Variants in EPHB2 observed in about 807,000 individuals in gnomAD.
EPHB2 encodes the protein EPH receptor B2.
EPHB2 carries 18 observed loss-of-function variants against 96.4 expected under a neutral mutation model. That is an observed-to-expected ratio of 0.19 (90% confidence interval 0.13 to 0.28). The LOEUF (loss-of-function observed/expected upper bound fraction) is 0.28. EPHB2 is among the 10% of genes least tolerant of loss of function. EPHB2 has a pLI of 1.00. For synonymous variants in EPHB2, 506 were observed against 534.1 expected, an observed-to-expected ratio of 0.95 and a Z score of 0.72; for missense variants, 989 against 1,355.4, an observed-to-expected ratio of 0.73 and a Z score of 4.25.
intron 3 of EPHB2, among the ~76,000 whole-genome samples, chr1:22,815,339 C>T (rs144078986): frequency 1.9e-3 from 287 of 152,290 alleles, no homozygotes; most frequent in African/African-American, 6.2e-3. Flanking sequence ...ACCCTCACAC[C>T]GAAATCCCAT....
chr1:22,836,107 G>A (rs1045077015), intron 3 of EPHB2: 1 of 152,222 alleles, frequency 6.6e-6, no homozygotes, highest in African/African-American at 2.4e-5. Flanking sequence ...CCGGCCCAGG[G>A]GCTCGGGGGC....
At chr1:22,852,377 GCCGGCAGC>G (rs1378593043) in intron 3 of EPHB2, among the ~76,000 whole-genome samples, 1 of 152,180 alleles carries the variant, frequency 6.6e-6, no homozygotes. Context: ...AACGCTGCCT[GCCGGCAGC>G]CACACAACAC....
rs1644878831 is a variant in EPHB2 at position 22,803,635 on chromosome 1, ATATATATGTGTATATATATATAT to A, written c.811+18560_811+18582del. Among the ~76,000 whole-genome samples the A allele has an allele frequency of 2.6e-3, 4 of 1,518 alleles. No individual in the cohort carries two copies. In the Admixed American group the frequency reaches 0.029, roughly 11 times the overall value. 1.0% of individuals were successfully genotyped at this position (1,518 alleles called of 152,430 possible). A position where few individuals can be genotyped will look rare whatever the true frequency, so the allele number is the denominator to read the frequency against. On this transcript the variant is annotated intron_variant, in intron 3 of 15. Coordinates refer to ENST00000374630, the MANE Select transcript of EPHB2 (RefSeq NM_017449.5). ...AAAAATAATATATATATATATGTGT[ATATATATGTGTATATATATATAT>A]GTGTATATATATGTGTGTATATATG... is the stretch of plus-strand genomic sequence containing the variant.
chr1:22,895,407 A>C, intron 7 of EPHB2, 65 bp from the exon 8 acceptor site: 1 of 1,466,604 alleles, frequency 6.8e-7, no homozygotes, highest in Non-Finnish European at 9.6e-7. Flanking sequence ...GGCAGGGGGT[A>C]GGGGACAAGG....
At position 22,910,439 on chromosome 1, in the gene EPHB2, G is replaced by A. The variant is rs549199396; in HGVS notation, c.2560G>A (p.Ala854Thr). ...RLPPPMDCPS[A>T]LHQLMLDCWQ... is the part of the protein sequence containing the mutation. ...GCCACCGCCCATGGACTGCCCGAGC[G>A]CCCTGCACCAACTCATGCTGGACTG... Residue 854 changes from alanine to threonine, a missense_variant, in exon 14 of 16, where the codon GCC (alanine) becomes ACC (threonine). Coordinates refer to ENST00000374630, the MANE Select transcript of EPHB2 (RefSeq NM_017449.5). 68 of 1,614,204 alleles carry A rather than the reference G, an allele frequency of 4.2e-5. No homozygotes were observed. In the Middle Eastern group the frequency reaches 4.0e-3, roughly 94 times the overall value.
Position 22,828,711 on chromosome 1 carries a change from C to T in EPHB2, c.812-34326C>T, listed in dbSNP as rs916766480. ...GCAAGAATTTTAGAATGTTACAGGC[C>T]TAGAAAGGTTGTAATCATAGAATTA... On this transcript the variant is annotated intron_variant, in intron 3 of 15. Coordinates refer to ENST00000374630, the MANE Select transcript of EPHB2 (RefSeq NM_017449.5). Among the ~76,000 whole-genome samples the T allele has an allele frequency of 5.3e-5, 8 of 152,084 alleles. 1 individual carries two copies. Among genetic ancestry groups the T allele is most frequent in the Admixed American group, 3.9e-4 (6 of 15,264 alleles).
intron 5 of EPHB2, among the ~76,000 whole-genome samples, chr1:22,874,394 G>T (rs1338777891): frequency 1.3e-5 from 2 of 152,200 alleles, no homozygotes; most frequent in Non-Finnish European, 1.5e-5. Flanking sequence ...GAGGCCAAAG[G>T]TGAGGTCAAG....
chr1:22,843,326 T>C (rs2148500508), intron 3 of EPHB2, among the ~76,000 whole-genome samples: 1 of 152,324 alleles, frequency 6.6e-6, no homozygotes, highest in South Asian at 2.1e-4. Context: ...TCTAAGTCCT[T>C]GCTCTTGCCA....
chr1:22,830,332 G>A (rs749577833), intron 3 of EPHB2, among the ~76,000 whole-genome samples: 44 of 152,312 alleles, frequency 2.9e-4, no homozygotes, highest in African/African-American at 9.6e-4. Context: ...TGCAGTCTCT[G>A]TAGAAGCCTG....
chr1:22,749,707 T>C (rs980990122), intron 1 of EPHB2, among the ~76,000 whole-genome samples: 1 of 152,312 alleles, frequency 6.6e-6, no homozygotes, highest in African/African-American at 2.4e-5. Context: ...GGGTGGCTTA[T>C]GTCTACCGGA....
At chr1:22,809,906 A>G (rs561345436) in intron 3 of EPHB2, among the ~76,000 whole-genome samples, 1 of 152,298 alleles carries the variant, frequency 6.6e-6, no homozygotes, top group East Asian at 1.9e-4. Context: ...GTTGGCCAAT[A>G]TGTGAGCCCA....
intron 3 of EPHB2, chr1:22,836,010 A>G (rs1408915661): frequency 6.6e-6 from 1 of 151,446 alleles, no homozygotes; most frequent in Non-Finnish European, 1.5e-5. Context: ...TCCCAGAAAC[A>G]TCTGTGAGAT....
chr1:22,894,919 TA>T (rs1639507690), intron 7 of EPHB2, among the ~76,000 whole-genome samples: 1 of 152,222 alleles, frequency 6.6e-6, no homozygotes, highest in Admixed American at 6.5e-5. Flanking sequence ...CAAGAATAGT[TA>T]ATATTGATTG....
intron 1 of EPHB2, among the ~76,000 whole-genome samples, chr1:22,730,769 A>G (rs183077136): frequency 6.6e-6 from 1 of 152,266 alleles, no homozygotes; most frequent in East Asian, 1.9e-4. Flanking sequence ...CAGAGGGACC[A>G]GCCATGGCAG....
chr1:22,847,209 C>G (rs1403977351), intron 3 of EPHB2, among the ~76,000 whole-genome samples: 1 of 152,158 alleles, frequency 6.6e-6, no homozygotes, highest in African/African-American at 2.4e-5. Context: ...GCAGGTAAGT[C>G]CTATTCATTA....
rs968331125 is a variant in EPHB2 at position 22,781,210 on chromosome 1, C to T, written c.62-211C>T. Among the ~76,000 whole-genome samples, 3 of 151,712 alleles carry T rather than the reference C, an allele frequency of 2.0e-5. No individual in the cohort carries two copies. The East Asian group carries it at 5.8e-4, about 29-fold the overall frequency. ...TTGGAGGCGCCTGTAGTCCCAGCTA[C>T]TCGGGAGGCTGAGGCAGGAGAATGG... On this transcript the variant is annotated intron_variant, in intron 1 of 15. Transcript: ENST00000374630.
At chr1:22,758,456 G>T (rs1287262667) in intron 1 of EPHB2, among the ~76,000 whole-genome samples, 2 of 152,018 alleles carry the variant, frequency 1.3e-5, no homozygotes, top group African/African-American at 4.8e-5. Context: ...CTTAGTCAAG[G>T]TCCATCCTGG....
At chr1:22,882,232 G>A (rs901666316) in intron 5 of EPHB2, 127 bp from the exon 6 acceptor site, 57 of 1,514,634 alleles carry the variant, frequency 3.8e-5, no homozygotes, top group Non-Finnish European at 4.7e-5. Context: ...TGGCTCTGTG[G>A]CCTCAGCCAG....
intron 1 of EPHB2, among the ~76,000 whole-genome samples, chr1:22,726,400 A>G (rs1314869755): frequency 6.8e-6 from 1 of 146,518 alleles, no homozygotes; most frequent in Non-Finnish European, 1.5e-5. Flanking sequence ...AACCCTGCAT[A>G]ATAGTTTCTT....
Sources: gnomAD v4.1 joint callset for allele counts (sites outside exome capture counted in the v4.1 genomes callset) on GRCh38, gnomAD v4.1.1 for gene constraint, MANE v1.5 for transcripts, NCBI Gene and HGNC (gene_info 2026-07-23, HGNC 2026-07-21) for gene names.